The following PAN3 variants were observed in gnomAD, a reference collection of about 807,000 sequenced individuals.
The protein encoded by PAN3 is PAN2-PAN3 deadenylation complex subunit PAN3.
A neutral mutation model predicts 96.2 loss-of-function variants in PAN3; 19 were observed. The ratio of observed to expected loss-of-function variants is 0.20; its 90% CI spans 0.14 to 0.29. The LOEUF (loss-of-function observed/expected upper bound fraction) is 0.29, where lower values mean the gene tolerates loss of function less well. PAN3 is among the 10% of genes least tolerant of loss of function. PAN3 has a pLI of 1.00. For missense variants in PAN3, 882 were observed against 1,108.1 expected, an observed-to-expected ratio of 0.80 and a Z score of 2.90; for synonymous variants, 433 against 406.6, an observed-to-expected ratio of 1.06 and a Z score of -0.78.
chr13:28,166,235 G>A (rs1050794935), intron 1 of PAN3, among the ~76,000 whole-genome samples: 5 of 152,158 alleles, frequency 3.3e-5, no homozygotes, highest in African/African-American at 9.7e-5. Context: ...TCTAAAATAC[G>A]ATGGTAGGAC....
intron 6 of PAN3, among the ~76,000 whole-genome samples, chr13:28,228,671 A>G (rs962525426): frequency 3.9e-5 from 6 of 152,210 alleles, no homozygotes; most frequent in African/African-American, 1.2e-4. Context: ...TAAAATTAAC[A>G]GTAAACAATA....
At chr13:28,217,765 A>G (rs994675441) in intron 5 of PAN3, among the ~76,000 whole-genome samples, 1 of 152,184 alleles carries the variant, frequency 6.6e-6, no homozygotes, top group Non-Finnish European at 1.5e-5. Context: ...ACAGAAACCA[A>G]AAATTTAATA....
At chr13:28,165,994 G>A (rs1445622641) in intron 1 of PAN3, among the ~76,000 whole-genome samples, 2 of 152,092 alleles carry the variant, frequency 1.3e-5, no homozygotes, top group African/African-American at 4.8e-5. Flanking sequence ...GCAGGGGGTC[G>A]GGGGGACATT....
rs75319241 is a variant in PAN3, at chr13:28,228,015, G to A, written c.1000+7637G>A. 9.0e-4 allele frequency among the ~76,000 whole-genome samples: 137 copies of A among 152,296 alleles called. 1 individual carries two copies. The highest frequency in any genetic ancestry group is 1.7e-3 in the Non-Finnish European group (116 of 68,020). On this transcript the variant is annotated intron_variant, in intron 6 of 18. Coordinates refer to ENST00000380958, the MANE Select transcript of PAN3 (RefSeq NM_175854.8). ...AGCTGAACGTGGAGAGTTAGATGTC[G>A]ATCTTCCTTCCACCTTCTTCTTTAG...
intron 5 of PAN3, among the ~76,000 whole-genome samples, chr13:28,218,062 A>T (rs1401467982): frequency 6.6e-6 from 1 of 152,020 alleles, no homozygotes; most frequent in African/African-American, 2.4e-5. Context: ...TATTCTTAAC[A>T]TGTTAAAAAT....
chr13:28,207,390 C>G (rs1879501595), intron 5 of PAN3, among the ~76,000 whole-genome samples: 1 of 152,124 alleles, frequency 6.6e-6, no homozygotes, highest in Non-Finnish European at 1.5e-5. Flanking sequence ...TCTTCTTTTT[C>G]AAACAACTAC....
chr13:28,245,673 C>A (rs1461614260), intron 6 of PAN3, among the ~76,000 whole-genome samples: 2 of 152,130 alleles, frequency 1.3e-5, no homozygotes, highest in African/African-American at 4.8e-5. Context: ...CCAACACTTC[C>A]CGTTTTTCTC....
intron 7 of PAN3, among the ~76,000 whole-genome samples, chr13:28,258,629 A>G (rs879909225): frequency 1.3e-5 from 2 of 152,226 alleles, no homozygotes; most frequent in African/African-American, 2.4e-5. Context: ...CAGCCAGGGC[A>G]ATATCACTTC....
At chr13:28,267,247 C>A (rs1240647808) in intron 11 of PAN3, 36 bp downstream of exon 11, 22 of 1,610,610 alleles carry the variant, frequency 1.4e-5, no homozygotes, top group Non-Finnish European at 1.6e-5. Flanking sequence ...TGCTGGTGAG[C>A]TTCATTATTT....
rs923986267 is a variant in PAN3, at chr13:28,260,829, G to A, written c.1353+278G>A. On this transcript the variant is annotated intron_variant, in intron 8 of 18. Transcript: ENST00000380958. ...TATTTCTATGAAAAGGCTCTTTGAA[G>A]TATATAAATAATTTAAATGGTTTCT... 9.9e-5 allele frequency among the ~76,000 whole-genome samples: 15 copies of A among 152,166 alleles called. No homozygotes were observed. The East Asian group carries it at 2.9e-3, about 29-fold the overall frequency.
chr13:28,285,176 C>G (rs1868825544), intron 17 of PAN3, among the ~76,000 whole-genome samples: 1 of 152,054 alleles, frequency 6.6e-6, no homozygotes, highest in Non-Finnish European at 1.5e-5. Flanking sequence ...AAATTTTATG[C>G]TCTGGTACCT....
intron 4 of PAN3, among the ~76,000 whole-genome samples, chr13:28,180,567 A>G (rs1256694513): frequency 6.6e-6 from 1 of 152,264 alleles, no homozygotes; most frequent in Non-Finnish European, 1.5e-5. Flanking sequence ...ACTCAAAATT[A>G]TATGAATATT....
chr13:28,141,259 C>T (rs1869766196), intron 1 of PAN3, among the ~76,000 whole-genome samples: 1 of 151,820 alleles, frequency 6.6e-6, no homozygotes. Flanking sequence ...CCCGCCTCGG[C>T]CTCCCAAAGT....
At chr13:28,146,318 C>G (rs1438872000) in intron 1 of PAN3, among the ~76,000 whole-genome samples, 1 of 151,702 alleles carries the variant, frequency 6.6e-6, no homozygotes, top group Non-Finnish European at 1.5e-5. Flanking sequence ...CTCTCTCTCT[C>G]TCTCTCTCAT....
At chr13:28,204,095 G>A (rs1028896982) in intron 5 of PAN3, among the ~76,000 whole-genome samples, 1 of 151,992 alleles carries the variant, frequency 6.6e-6, no homozygotes, top group Admixed American at 6.6e-5. Context: ...AGGCGTGAGC[G>A]ACCACGCCCG....
chr13:28,279,070 C>A (rs1402792645), intron 15 of PAN3, among the ~76,000 whole-genome samples: 1 of 151,586 alleles, frequency 6.6e-6, no homozygotes, highest in Non-Finnish European at 1.5e-5. Context: ...GAATTACAAG[C>A]AGAAGAGTGA....
intron 6 of PAN3, among the ~76,000 whole-genome samples, chr13:28,247,801 G>C (rs1306376597): frequency 6.6e-6 from 1 of 152,094 alleles, no homozygotes; most frequent in African/African-American, 2.4e-5. Flanking sequence ...TTTTTATGCA[G>C]GTACCATACT....
At chr13:28,222,999 A>G (rs968818130) in intron 6 of PAN3, among the ~76,000 whole-genome samples, 2 of 152,164 alleles carry the variant, frequency 1.3e-5, no homozygotes, top group Non-Finnish European at 1.5e-5. Context: ...TTTTTAGGCC[A>G]GTTTATTTTG....
chr13:28,206,467 G>C (rs1879378687), intron 5 of PAN3, among the ~76,000 whole-genome samples: 1 of 151,604 alleles, frequency 6.6e-6, no homozygotes, highest in African/African-American at 2.4e-5. Flanking sequence ...GGGACTACAG[G>C]CTGCACCACC....
Sources: gnomAD v4.1 joint callset for allele counts (sites outside exome capture counted in the v4.1 genomes callset) on GRCh38, gnomAD v4.1.1 for gene constraint, MANE v1.5 for transcripts, NCBI Gene and HGNC (gene_info 2026-07-23, HGNC 2026-07-21) for gene names.